Variants in TRIP11 observed in about 807,000 individuals in gnomAD.
TRIP11 encodes thyroid receptor-interacting protein 11.
Under a neutral mutation model 223.1 loss-of-function variants are expected in TRIP11, and 148 were observed. That is an observed-to-expected ratio of 0.66 (90% CI 0.58 to 0.76). The LOEUF (loss-of-function observed/expected upper bound fraction) is 0.76, where lower values mean the gene tolerates loss of function less well. Ranked by LOEUF, TRIP11 falls within the 30% of genes least tolerant of loss-of-function variation. The pLI is 0.00. For synonymous variants in TRIP11, 762 were observed against 772.6 expected (o/e 0.99, Z 0.23); for missense variants, 2,043 against 2,222.0 (o/e 0.92, Z 1.62).
chr14:91,996,575 G>T (rs1379872183), intron 13 of TRIP11, among the ~76,000 whole-genome samples: 1 of 152,128 alleles, frequency 6.6e-6, no homozygotes, highest in African/African-American at 2.4e-5. Context: ...AGGTACAAAT[G>T]AATAGCCTGC....
At position 91,999,242 on chromosome 14, in the gene TRIP11, T is replaced by C. The variant is rs767813107; in HGVS notation, c.4890A>G (p.Ala1630=). The C allele has an allele frequency of 6.2e-7, 1 of 1,612,756 alleles. No individual in the cohort carries two copies. Among genetic ancestry groups the C allele is most frequent in the East Asian group, 2.2e-5 (1 of 44,810 alleles). The change falls in exon 13 of 21, where the codon GCA becomes GCG. Residue 1630 remains alanine (A), a splice_region_variant and synonymous_variant. Coordinates refer to ENST00000267622, the MANE Select transcript of TRIP11 (RefSeq NM_004239.4). The stretch of plus-strand genomic sequence containing the variant: ...ATGCAAAAAAATGAAAAAATTACCT[T>C]GCATTTTCCATTGCATTAGAGGATG... ...LVSSSNAMEN[A]SHQASVQVES... is the part of the protein sequence containing the mutation.
intron 1 of TRIP11, among the ~76,000 whole-genome samples, chr14:92,035,565 T>A (rs1435861475): frequency 9.4e-5 from 13 of 137,644 alleles, no homozygotes; most frequent in East Asian, 6.1e-4. Flanking sequence ...AAACCTCATT[T>A]TTTATTTATT....
At chr14:91,970,032 A>G (rs1335700933) in intron 20 of TRIP11, 139 bp from the exon 21 acceptor site, 3 of 909,200 alleles carry the variant, frequency 3.3e-6, no homozygotes, top group African/African-American at 1.7e-5. Flanking sequence ...TAATCAATGT[A>G]TCACTTATCA....
chr14:91,982,465 A>G (rs1193584647), intron 16 of TRIP11, among the ~76,000 whole-genome samples: 1 of 151,972 alleles, frequency 6.6e-6, no homozygotes, highest in African/African-American at 2.4e-5. Flanking sequence ...CCAGAGGGGG[A>G]AAAGGGAGAG....
At chr14:92,036,846 C>T (rs1280674369) in intron 1 of TRIP11, among the ~76,000 whole-genome samples, 1 of 152,114 alleles carries the variant, frequency 6.6e-6, no homozygotes, top group Non-Finnish European at 1.5e-5. Context: ...GCAAACCTCC[C>T]ATTTCAGCCT....
intron 14 of TRIP11, 88 bp downstream of exon 14, chr14:91,995,264 C>T (rs574598085): frequency 1.0e-4 from 152 of 1,512,198 alleles, no homozygotes; most frequent in African/African-American, 7.1e-4. Flanking sequence ...GAGATTTCCC[C>T]GTGCCTCATC....
chr14:91,987,352 C>T (rs2056615928), intron 16 of TRIP11, among the ~76,000 whole-genome samples: 1 of 152,108 alleles, frequency 6.6e-6, no homozygotes, highest in Admixed American at 6.6e-5. Flanking sequence ...TGGATTTAGG[C>T]CAGCTTACTT....
At chr14:91,971,879 GAATATA>G (rs1481027265) in intron 20 of TRIP11, among the ~76,000 whole-genome samples, 4 of 152,088 alleles carry the variant, frequency 2.6e-5, no homozygotes, top group African/African-American at 9.7e-5. Flanking sequence ...AAAAATTTCA[GAATATA>G]AATTCTTTAT....
rs35251290 is a variant in TRIP11 at position 91,968,333 on chromosome 14, A to AT, written c.*1339dup. 4,137 of 197,954 alleles carry AT rather than the reference A, an allele frequency of 0.021. 133 individuals carry two copies. Among genetic ancestry groups the AT allele is most frequent in the African/African-American group, 0.073 (3,164 of 43,152 alleles). The allele number at this position is 197,954 out of a possible 1,614,324, so 12.3% of individuals were successfully genotyped here. On this transcript the variant is annotated 3_prime_UTR_variant, in exon 21 of 21. Coordinates refer to ENST00000267622, the MANE Select transcript of TRIP11 (RefSeq NM_004239.4). ...AGATACAGTTAAGTTTCAAGTCGGGATTTTTTTTTTATGATGGGTTTATGA... is the reference window on the plus strand; with the variant it reads ...AGATACAGTTAAGTTTCAAGTCGGGATTTTTTTTTTTATGATGGGTTTATGA...
At position 91,969,163 on chromosome 14, in the gene TRIP11, G is replaced by A. The variant is rs1466960680; in HGVS notation, c.*510C>T. Reference sequence around the variant, plus strand: ...ACATACTTCACCTCAGGGAACCTATGACCTTCCAGCAACAATCTTGTTGGC... The same window carrying A: ...ACATACTTCACCTCAGGGAACCTATAACCTTCCAGCAACAATCTTGTTGGC... On this transcript the variant is annotated 3_prime_UTR_variant, in exon 21 of 21. Coordinates refer to ENST00000267622, the MANE Select transcript of TRIP11 (RefSeq NM_004239.4). 8 of 247,992 alleles carry A rather than the reference G, an allele frequency of 3.2e-5. No individual in the cohort carries two copies. The highest frequency in any genetic ancestry group is 6.3e-5 in the Non-Finnish European group (8 of 126,546). The allele number at this position is 247,992 out of a possible 1,614,324, so 15.4% of individuals were successfully genotyped here.
Position 91,969,070 on chromosome 14 carries a change from A to AC in TRIP11, c.*602dup. 4.4e-6 allele frequency: 1 copy of AC among 224,724 alleles called. No individual in the cohort carries two copies. The highest frequency in any genetic ancestry group is 2.2e-5 in the African/African-American group (1 of 44,904). The allele number at this position is 224,724 out of a possible 1,614,324, so 13.9% of individuals were successfully genotyped here. A position where few individuals can be genotyped will look rare whatever the true frequency, so the allele number is the denominator to read the frequency against. ...GAGGCCAGCCTGGCAACATAGTGAG[A>AC]CCCCATCTCTATTTAAAACAAACAA... On this transcript the variant is annotated 3_prime_UTR_variant, in exon 21 of 21. Transcript: ENST00000267622.
At chr14:91,987,129 A>G (rs879332987) in intron 16 of TRIP11, among the ~76,000 whole-genome samples, 2 of 152,238 alleles carry the variant, frequency 1.3e-5, no homozygotes, top group Non-Finnish European at 1.5e-5. Context: ...TCAAATGTCC[A>G]TAATAGACAC....
At position 92,039,689 on chromosome 14, in the gene TRIP11, G is replaced by A; in HGVS notation, c.-4C>T. The A allele has an allele frequency of 1.9e-6, 3 of 1,611,214 alleles. 1 individual carries two copies. The highest frequency in any genetic ancestry group is 2.2e-5 in the South Asian group (2 of 90,450). ...GGCCCCCAAGCCAGGACGACATCGCGGCGAGTTTAGAGAACGACCCGGTCC... is the reference window on the plus strand; with the variant it reads ...GGCCCCCAAGCCAGGACGACATCGCAGCGAGTTTAGAGAACGACCCGGTCC... On this transcript the variant is annotated 5_prime_UTR_variant, in exon 1 of 21. Coordinates refer to ENST00000267622, the MANE Select transcript of TRIP11 (RefSeq NM_004239.4).
intron 1 of TRIP11, among the ~76,000 whole-genome samples, chr14:92,035,036 G>C (rs999844498): frequency 1.5e-4 from 23 of 151,990 alleles, no homozygotes; most frequent in African/African-American, 5.1e-4. Context: ...TGGTCTCGGT[G>C]GCTCATGCCT....
intron 13 of TRIP11, 150 bp from the exon 14 acceptor site, chr14:91,995,665 G>C (rs2056742041): frequency 2.7e-6 from 2 of 730,970 alleles, no homozygotes; most frequent in Admixed American, 5.7e-5. Flanking sequence ...ACCCAGGCTG[G>C]AGTGCAGTGG....
Position 91,988,386 on chromosome 14 carries a change from G to A in TRIP11, c.5161-3C>T. On this transcript the variant is annotated splice_region_variant and splice_polypyrimidine_tract_variant and intron_variant, in intron 15 of 20. Transcript: ENST00000267622. ...GCATTTGCTTCATCCAAACATTCCT[G>A]AGAAAGAAAACTTTATTAAAAAAAA... The A allele has an allele frequency of 6.2e-7, 1 of 1,612,656 alleles. No individual in the cohort carries two copies. The highest frequency in any genetic ancestry group is 1.1e-5 in the South Asian group (1 of 90,976).
In TRIP11 at chr14:92,031,099, T is replaced by C. The variant is rs547425648; in HGVS notation, c.201+2093A>G. On this transcript the variant is annotated intron_variant, in intron 2 of 20. Coordinates refer to ENST00000267622, the MANE Select transcript of TRIP11 (RefSeq NM_004239.4). ...ACATCGTCTCTACAAAAAATTTTAT[T>C]TATTTATTTATTTTTTTATTTACTT... 1.3e-4 allele frequency among the ~76,000 whole-genome samples: 19 copies of C among 151,796 alleles called. No individual in the cohort carries two copies. The South Asian group carries it at 3.1e-3, about 25-fold the overall frequency.
intron 20 of TRIP11, 47 bp from the exon 21 acceptor site, chr14:91,969,940 T>C: frequency 6.4e-7 from 1 of 1,553,906 alleles, no homozygotes; most frequent in Non-Finnish European, 8.8e-7. Flanking sequence ...CACAAAGAAG[T>C]CAAAATGAAA....
At chr14:91,995,703 C>T (rs1424660556) in intron 13 of TRIP11, among the ~76,000 whole-genome samples, 188 bp from the exon 14 acceptor site, 1 of 151,832 alleles carries the variant, frequency 6.6e-6, no homozygotes, top group African/African-American at 2.4e-5. Context: ...GCAACCTCCA[C>T]CTCCTAGGTT....
Sources: gnomAD v4.1 joint callset for allele counts (sites outside exome capture counted in the v4.1 genomes callset) on GRCh38, gnomAD v4.1.1 for gene constraint, MANE v1.5 for transcripts, NCBI Gene and HGNC (gene_info 2026-07-23, HGNC 2026-07-21) for gene names.